The following IGSF10 variants were observed in gnomAD, a reference collection of about 807,000 sequenced individuals.
IGSF10 encodes calvaria mechanical force protein 608.
Under a neutral mutation model 128.2 loss-of-function variants are expected in IGSF10, and 126 were observed. The observed-to-expected ratio is 0.98, with a 90% CI of 0.85 to 1.14. The LOEUF (loss-of-function observed/expected upper bound fraction) is 1.14. Among genes scored for constraint, IGSF10 ranks in the 50% most tolerant of loss-of-function variants. IGSF10 has a pLI of 0.00. For missense variants in IGSF10, 3,295 were observed against 3,149.8 expected, an observed-to-expected ratio of 1.05 and a Z score of -1.10; for synonymous variants, 1,185 against 1,146.2, an observed-to-expected ratio of 1.03 and a Z score of -0.68.
the IGSF10 span, among the ~76,000 whole-genome samples, chr3:151,619,357 CA>C: frequency 1.3e-5 from 2 of 151,000 alleles, no homozygotes; most frequent in African/African-American, 2.4e-5. Context: ...AAAAGCAGAA[CA>C]TTTTTTATAA....
At chr3:151,549,085 ATTTG>A in the IGSF10 span, among the ~76,000 whole-genome samples, 1 of 151,686 alleles carries the variant, frequency 6.6e-6, no homozygotes, top group Admixed American at 6.6e-5. Flanking sequence ...GCTTTTATCT[ATTTG>A]TTTGTTTTTG....
the IGSF10 span, among the ~76,000 whole-genome samples, chr3:151,586,538 T>A: frequency 6.6e-6 from 1 of 152,128 alleles, no homozygotes; most frequent in African/African-American, 2.4e-5. Context: ...TGTAATTAGA[T>A]CAGAAATAGT....
the IGSF10 span, among the ~76,000 whole-genome samples, chr3:151,534,414 T>A: frequency 6.6e-6 from 1 of 152,138 alleles, no homozygotes; most frequent in Non-Finnish European, 1.5e-5. Flanking sequence ...CAAATGCCCA[T>A]CAATGATAGA....
the IGSF10 span, among the ~76,000 whole-genome samples, chr3:151,590,780 T>C: frequency 6.6e-6 from 1 of 152,188 alleles, no homozygotes; most frequent in African/African-American, 2.4e-5. Context: ...ATGTGTGAGA[T>C]AGAAAGCAGA....
the IGSF10 span, among the ~76,000 whole-genome samples, chr3:151,574,539 A>G: frequency 2.0e-5 from 3 of 152,212 alleles, no homozygotes; most frequent in Non-Finnish European, 2.9e-5. Flanking sequence ...TGCATCACAT[A>G]GTTCTCATGC....
At chr3:151,529,896 T>C in the IGSF10 span, among the ~76,000 whole-genome samples, 1 of 151,898 alleles carries the variant, frequency 6.6e-6, no homozygotes, top group Admixed American at 6.6e-5. Context: ...AGAAGGTGGG[T>C]AATAACAAAC....
At chr3:151,449,958 C>T (rs993127390) in intron 5 of IGSF10, among the ~76,000 whole-genome samples, 1 of 152,136 alleles carries the variant, frequency 6.6e-6, no homozygotes, top group African/African-American at 2.4e-5. Context: ...ACTTTGGAAA[C>T]TGGATGGTTG....
chr3:151,560,767 T>C, the IGSF10 span, among the ~76,000 whole-genome samples: 1 of 151,876 alleles, frequency 6.6e-6, no homozygotes, highest in Non-Finnish European at 1.5e-5. Flanking sequence ...TTTCTTCAAA[T>C]CCACACCAGT....
the IGSF10 span, among the ~76,000 whole-genome samples, chr3:151,608,669 A>T: frequency 6.6e-6 from 1 of 152,188 alleles, no homozygotes; most frequent in South Asian, 2.1e-4. Context: ...AAGGTCCTTC[A>T]GTCCTTCTTT....
chr3:151,486,049 G>A, the IGSF10 span, among the ~76,000 whole-genome samples: 3 of 152,178 alleles, frequency 2.0e-5, no homozygotes, highest in African/African-American at 7.2e-5. Context: ...TTGTATTCAG[G>A]AGACCCATCT....
the IGSF10 span, among the ~76,000 whole-genome samples, chr3:151,591,635 A>G: frequency 6.6e-6 from 1 of 151,992 alleles, no homozygotes; most frequent in African/African-American, 2.4e-5. Flanking sequence ...GAAGAATGCA[A>G]GGGCTAAAGT....
At chr3:151,474,985 G>T in the IGSF10 span, among the ~76,000 whole-genome samples, 56 of 152,248 alleles carry the variant, frequency 3.7e-4, no homozygotes, top group East Asian at 8.3e-3. Flanking sequence ...TGAGATTTAG[G>T]TGGGGACACA....
the IGSF10 span, among the ~76,000 whole-genome samples, chr3:151,568,132 C>G: frequency 6.6e-6 from 1 of 152,158 alleles, no homozygotes; most frequent in Non-Finnish European, 1.5e-5. Flanking sequence ...AAATTATTAG[C>G]TGTCTAGTCT....
chr3:151,527,152 C>T, the IGSF10 span, among the ~76,000 whole-genome samples: 1 of 152,156 alleles, frequency 6.6e-6, no homozygotes, highest in Non-Finnish European at 1.5e-5. Flanking sequence ...GAATATTATA[C>T]CTGTTAAAAT....
chr3:151,515,730 T>C, the IGSF10 span, among the ~76,000 whole-genome samples: 1 of 134,438 alleles, frequency 7.4e-6, no homozygotes, highest in Non-Finnish European at 1.6e-5. Context: ...TACGTGTGTG[T>C]GTGTGTGTGT....
the IGSF10 span, among the ~76,000 whole-genome samples, chr3:151,517,810 T>C: frequency 6.6e-6 from 1 of 152,074 alleles, no homozygotes; most frequent in South Asian, 2.1e-4. Context: ...ACTAAGACTT[T>C]AAGGAAACAT....
chr3:151,548,440 G>A, the IGSF10 span, among the ~76,000 whole-genome samples: 2,452 of 152,286 alleles, frequency 0.016, 21 homozygotes, highest in South Asian at 0.025. Flanking sequence ...CATTCCTACT[G>A]CGCTCTGCCT....
the IGSF10 span, among the ~76,000 whole-genome samples, chr3:151,479,533 CA>C: frequency 6.6e-6 from 1 of 152,080 alleles, no homozygotes; most frequent in Non-Finnish European, 1.5e-5. Context: ...CTCTACTTAA[CA>C]GAAAAATAAT....
At chr3:151,483,972 G>A in the IGSF10 span, among the ~76,000 whole-genome samples, 1 of 152,304 alleles carries the variant, frequency 6.6e-6, no homozygotes, top group East Asian at 1.9e-4. Flanking sequence ...TCCCCTGGAA[G>A]GGGGCTGAAG....
Sources: allele counts gnomAD v4.1 joint callset (sites outside exome capture counted in the v4.1 genomes callset), GRCh38; gene constraint gnomAD v4.1.1; transcripts MANE v1.5; gene names NCBI Gene and HGNC (gene_info 2026-07-23, HGNC 2026-07-21).